The following TSPAN15 variants were observed in gnomAD, a reference collection of about 807,000 sequenced individuals.
The protein encoded by TSPAN15 is tetraspanin 15, also known as tetraspanin-15.
In TSPAN15, 20 loss-of-function variants were observed where a neutral mutation model predicts 34.5. The ratio of observed to expected loss-of-function variants is 0.58; its 90% CI spans 0.41 to 0.84. The LOEUF (loss-of-function observed/expected upper bound fraction) is 0.84, where lower values mean the gene tolerates loss of function less well. TSPAN15 is among the 40% of genes least tolerant of loss of function. The probability of loss-of-function intolerance (pLI) is 0.00; values close to 1 mark genes in which losing one functional copy is unlikely to be tolerated. For synonymous variants in TSPAN15, 155 were observed against 153.9 expected (o/e 1.01, Z -0.05); for missense variants, 313 against 386.1 (o/e 0.81, Z 1.59).
chr10:69,520,175 TC>T, the TSPAN15 span, among the ~76,000 whole-genome samples: 1 of 152,160 alleles, frequency 6.6e-6, no homozygotes, highest in Non-Finnish European at 1.5e-5. Context: ...CATCCCCACT[TC>T]CCCCTCCCTC....
chr10:69,477,626 C>T (rs80137017), intron 1 of TSPAN15, among the ~76,000 whole-genome samples: 12,803 of 152,298 alleles, frequency 0.084, 748 homozygotes, highest in Non-Finnish European at 0.12. Flanking sequence ...ACACGTGGCT[C>T]GTGGATACCA....
At chr10:69,498,961 T>A (rs1181678485) in intron 5 of TSPAN15, among the ~76,000 whole-genome samples, 1 of 152,114 alleles carries the variant, frequency 6.6e-6, no homozygotes, top group Non-Finnish European at 1.5e-5. Flanking sequence ...TCTCCATTGG[T>A]CTTTGGCCTT....
the TSPAN15 span, among the ~76,000 whole-genome samples, chr10:69,532,156 C>T: frequency 6.6e-6 from 1 of 152,124 alleles, no homozygotes; most frequent in African/African-American, 2.4e-5. Context: ...AAAATACCAT[C>T]ATCATTCTTC....
intron 1 of TSPAN15, among the ~76,000 whole-genome samples, chr10:69,462,450 T>C (rs1381895063): frequency 6.6e-6 from 1 of 152,290 alleles, no homozygotes; most frequent in East Asian, 1.9e-4. Context: ...TTCTCCTGCC[T>C]CAGCCTCCTG....
At chr10:69,507,767 C>A (rs2133173652), downstream of TSPAN15, 6 of 737,190 alleles carry the variant, frequency 8.1e-6, no homozygotes, top group South Asian at 2.0e-5. Context: ...GAAGGGGGTG[C>A]ATGGGGTGAA....
intron 4 of TSPAN15, among the ~76,000 whole-genome samples, chr10:69,496,763 G>A (rs1313691251): frequency 6.6e-6 from 1 of 152,222 alleles, no homozygotes; most frequent in Admixed American, 6.5e-5. Flanking sequence ...CCTTGGCCCA[G>A]ACTTTCTCTT....
intron 1 of TSPAN15, among the ~76,000 whole-genome samples, chr10:69,479,198 G>A (rs73275759): frequency 0.016 from 2,494 of 152,326 alleles, 66 homozygotes; most frequent in African/African-American, 0.057. Context: ...GCAGGTCCTC[G>A]TTAAGTGCAG....
chr10:69,537,212 C>T, the TSPAN15 span, among the ~76,000 whole-genome samples: 76,302 of 151,834 alleles, frequency 0.5, 19,961 homozygotes, highest in East Asian at 0.9. Flanking sequence ...GGGCAACAAC[C>T]GTTCACCCTC....
chr10:69,480,545 T>G (rs1026075972), intron 1 of TSPAN15, among the ~76,000 whole-genome samples: 2 of 152,162 alleles, frequency 1.3e-5, no homozygotes, highest in South Asian at 4.1e-4. Flanking sequence ...TCTGAAAACT[T>G]CCATGCTCTA....
chr10:69,540,143 G>C, the TSPAN15 span, among the ~76,000 whole-genome samples: 2 of 151,896 alleles, frequency 1.3e-5, no homozygotes, highest in Admixed American at 1.3e-4. Flanking sequence ...CACCTGCCTC[G>C]GCCTCTCAAA....
intron 3 of TSPAN15, among the ~76,000 whole-genome samples, chr10:69,486,175 A>C (rs767173966): frequency 9.9e-5 from 15 of 152,252 alleles, no homozygotes; most frequent in African/African-American, 2.9e-4. Flanking sequence ...TCAAGGCCCC[A>C]CAAGAAGCTG....
At chr10:69,509,790 T>A (rs909460193), downstream of TSPAN15, among the ~76,000 whole-genome samples, 1 of 152,186 alleles carries the variant, frequency 6.6e-6, no homozygotes, top group Non-Finnish European at 1.5e-5. Flanking sequence ...CCAGTTTCAG[T>A]TTTCTGTATA....
the TSPAN15 span, among the ~76,000 whole-genome samples, chr10:69,546,220 T>A: frequency 6.6e-6 from 1 of 152,310 alleles, no homozygotes; most frequent in South Asian, 2.1e-4. Context: ...CACCCAGGGC[T>A]TCTGCTGCCA....
At chr10:69,517,134 G>A in the TSPAN15 span, among the ~76,000 whole-genome samples, 1 of 152,146 alleles carries the variant, frequency 6.6e-6, no homozygotes, top group African/African-American at 2.4e-5. Context: ...CCAGGTGTAC[G>A]GGTGCCCTTT....
At chr10:69,495,973 TAAAAC>T (rs1317498980) in intron 4 of TSPAN15, among the ~76,000 whole-genome samples, 1 of 151,950 alleles carries the variant, frequency 6.6e-6, no homozygotes, top group Non-Finnish European at 1.5e-5. Flanking sequence ...TACCCCCAAA[TAAAAC>T]AAAGTCAGGT....
At chr10:69,503,697 G>C (rs917700462) in intron 5 of TSPAN15, among the ~76,000 whole-genome samples, 21 of 152,140 alleles carry the variant, frequency 1.4e-4, no homozygotes, top group African/African-American at 4.3e-4. Context: ...AGCGGGGCTG[G>C]GGGGGACGGT....
At chr10:69,452,868 T>C (rs978759331) in intron 1 of TSPAN15, among the ~76,000 whole-genome samples, 1 of 152,204 alleles carries the variant, frequency 6.6e-6, no homozygotes, top group African/African-American at 2.4e-5. Flanking sequence ...GTGTCCTCCT[T>C]AGCCCCTTGC....
Position 69,451,530 on chromosome 10 carries a change from C to G in TSPAN15, c.-65C>G. 7.7e-7 allele frequency: 1 copy of G among 1,299,462 alleles called. No homozygotes were observed. Among genetic ancestry groups the G allele is most frequent in the Non-Finnish European group, 9.8e-7 (1 of 1,021,494 alleles). 80.5% of individuals were successfully genotyped at this position (1,299,462 alleles called of 1,614,324 possible). ...CGGCAGCCGCAGGTGGGGCCACGAGCGCTGGCTGAGGGACCGAGCCGGAGA... is the reference window on the plus strand; with the variant it reads ...CGGCAGCCGCAGGTGGGGCCACGAGGGCTGGCTGAGGGACCGAGCCGGAGA... On this transcript the variant is annotated 5_prime_UTR_variant, in exon 1 of 8. Coordinates refer to ENST00000373290, the MANE Select transcript of TSPAN15 (RefSeq NM_012339.5).
At chr10:69,539,378 A>T in the TSPAN15 span, among the ~76,000 whole-genome samples, 2 of 131,976 alleles carry the variant, frequency 1.5e-5, 1 homozygote, top group Non-Finnish European at 3.3e-5. Flanking sequence ...AAAAAAATAG[A>T]AGAAGAAGAG....
Sources: gnomAD v4.1 joint callset for allele counts (sites outside exome capture counted in the v4.1 genomes callset) on GRCh38, gnomAD v4.1.1 for gene constraint, MANE v1.5 for transcripts, NCBI Gene and HGNC (gene_info 2026-07-23, HGNC 2026-07-21) for gene names.